Variants in EXOC5 observed in about 807,000 individuals in gnomAD.
EXOC5 encodes the protein SEC10-like 1.
EXOC5 carries 17 observed loss-of-function variants against 90.8 expected under a neutral mutation model. The ratio of observed to expected loss-of-function variants is 0.19; its 90% CI spans 0.13 to 0.28. The LOEUF (loss-of-function observed/expected upper bound fraction) is 0.28. EXOC5 is among the 10% of genes least tolerant of loss of function. The pLI is 1.00. For missense variants in EXOC5, 569 were observed against 830.6 expected (o/e 0.69, Z 3.87); for synonymous variants, 260 against 270.0 (o/e 0.96, Z 0.36).
rs138514391 is a variant in EXOC5 at position 57,264,929 on chromosome 14, C to T, written c.27+3693G>A. ...CAAGTTCTATACTTAATTCTATTTT[C>T]CAAAATATGTACCTTGTAATTCACA... On this transcript the variant is annotated intron_variant, in intron 1 of 17. Coordinates refer to ENST00000621441, the MANE Select transcript of EXOC5 (RefSeq NM_006544.4). 7.8e-3 allele frequency among the ~76,000 whole-genome samples: 1,184 copies of T among 152,120 alleles called. 21 individuals carry two copies. Among genetic ancestry groups the T allele is most frequent in the African/African-American group, 0.027 (1,102 of 41,490 alleles).
intron 1 of EXOC5, among the ~76,000 whole-genome samples, chr14:57,260,377 T>C (rs1884464450): frequency 6.6e-6 from 1 of 152,168 alleles, no homozygotes; most frequent in Non-Finnish European, 1.5e-5. Context: ...ACAAAATAAA[T>C]AATTTTACTT....
At position 57,234,414 on chromosome 14, in the gene EXOC5, GA is replaced by G. The variant is rs1317453477; in HGVS notation, c.670-383del. ...ATACACACAAACACACACATACACA[GA>G]GAGTCAAGGTCTTGGGAAAAGGTTT... On this transcript the variant is annotated intron_variant, in intron 7 of 17. Transcript: ENST00000621441. Among the ~76,000 whole-genome samples the G allele has an allele frequency of 2.0e-5, 3 of 150,600 alleles. No individual in the cohort carries two copies. In the East Asian group the frequency reaches 5.8e-4, roughly 29 times the overall value.
At chr14:57,215,131 G>A (rs1330104166) in intron 15 of EXOC5, among the ~76,000 whole-genome samples, 2 of 151,856 alleles carry the variant, frequency 1.3e-5, no homozygotes, top group East Asian at 3.9e-4. Flanking sequence ...ATTTGGGAGG[G>A]TGAGGCAGGG....
Position 57,232,710 on chromosome 14 carries a change from C to A in EXOC5, c.895G>T (p.Asp299Tyr), listed in dbSNP as rs74498448. The A allele has an allele frequency of 3.2e-6, 5 of 1,553,386 alleles. No individual in the cohort carries two copies. The East Asian group carries it at 1.1e-4, about 36-fold the overall frequency. ...AGATTTTTGAGATATTGCTCTGCAT[C>A]GGACTTCCTACATTCTTCTAACTGC... is the stretch of plus-strand genomic sequence containing the variant. The part of the protein sequence containing the change: ...KEQLEECRKS[D>Y]AEQYLKNLYD... Residue 299 changes from aspartate (D) to tyrosine (Y), a missense_variant, in exon 10 of 18, where the codon GAT becomes TAT. Asp to Tyr is a radical substitution (Grantham distance 160, BLOSUM62 -3). This residue lies in a region of EXOC5 where 114 missense variants were observed against 111.2 expected (regional missense o/e 1.03). Transcript: ENST00000621441.
At chr14:57,266,489 T>C (rs1650882098) in intron 1 of EXOC5, among the ~76,000 whole-genome samples, 1 of 152,132 alleles carries the variant, frequency 6.6e-6, no homozygotes, top group African/African-American at 2.4e-5. Context: ...ATTGTAACTA[T>C]TATGCTTTTA....
chr14:57,264,698 C>T (rs1884618581), intron 1 of EXOC5, among the ~76,000 whole-genome samples: 1 of 152,156 alleles, frequency 6.6e-6, no homozygotes, highest in Non-Finnish European at 1.5e-5. Context: ...TGAAAAGTCC[C>T]TCCATCCAGT....
intron 12 of EXOC5, among the ~76,000 whole-genome samples, chr14:57,228,730 T>C (rs1426191516): frequency 6.6e-6 from 1 of 151,044 alleles, no homozygotes; most frequent in Admixed American, 6.6e-5. Context: ...AAGGGAGGAA[T>C]AGCATTAGGA....
At chr14:57,258,762 T>G (rs1294600446) in intron 1 of EXOC5, among the ~76,000 whole-genome samples, 1 of 152,216 alleles carries the variant, frequency 6.6e-6, no homozygotes, top group African/African-American at 2.4e-5. Flanking sequence ...AATCCCTAAT[T>G]AAATAATGTT....
In EXOC5 at chr14:57,205,184, TTA is replaced by T. The variant is rs1228936001; in HGVS notation, c.*3423_*3424del. Reference sequence around the variant, plus strand: ...CTTAAATCAATACATGTAACTATAATTATCTTTATTATGCAGCAAAATTTTTT... The same window carrying T: ...CTTAAATCAATACATGTAACTATAATTCTTTATTATGCAGCAAAATTTTTT... On this transcript the variant is annotated 3_prime_UTR_variant, in exon 18 of 18. Transcript: ENST00000621441. 6.6e-6 allele frequency: 1 copy of T among 152,064 alleles called. No individual in the cohort carries two copies. Among genetic ancestry groups the T allele is most frequent in the Non-Finnish European group, 1.5e-5 (1 of 67,936 alleles). 9.4% of individuals were successfully genotyped at this position (152,064 alleles called of 1,614,324 possible).
intron 6 of EXOC5, among the ~76,000 whole-genome samples, chr14:57,236,456 T>C (rs1883662536): frequency 6.6e-6 from 1 of 151,890 alleles, no homozygotes; most frequent in Non-Finnish European, 1.5e-5. Flanking sequence ...CAGCTAATTT[T>C]TGTATTTTTA....
chr14:57,248,094 GT>G (rs200141338), intron 1 of EXOC5, among the ~76,000 whole-genome samples: 3,221 of 140,146 alleles, frequency 0.023, 44 homozygotes, highest in East Asian at 0.11. Flanking sequence ...ATCTCACAAA[GT>G]TTTTTTTTTT....
intron 4 of EXOC5, among the ~76,000 whole-genome samples, chr14:57,242,127 C>T (rs1317983293): frequency 2.9e-5 from 4 of 136,174 alleles, no homozygotes; most frequent in African/African-American, 8.4e-5. Flanking sequence ...AGCGAGACTC[C>T]GTCTGAAAAA....
Position 57,203,738 on chromosome 14 carries a change from G to GTGA in EXOC5, c.*4870_*4871insTCA, listed in dbSNP as rs1349265180. ...AGTTTCAGACTTTTAAATTAAAAGT[G>GTGA]GCTCAGTTGGATACTGTCTCTTAAA... On this transcript the variant is annotated 3_prime_UTR_variant, in exon 18 of 18. Transcript: ENST00000621441. 1 of 152,452 alleles carries GTGA rather than the reference G, an allele frequency of 6.6e-6. No homozygotes were observed. Among genetic ancestry groups the GTGA allele is most frequent in the Non-Finnish European group, 1.5e-5 (1 of 67,990 alleles). The allele number at this position is 152,452 out of a possible 1,614,324, so 9.4% of individuals were successfully genotyped here. A position where few individuals can be genotyped will look rare whatever the true frequency, so the allele number is the denominator to read the frequency against.
intron 12 of EXOC5, among the ~76,000 whole-genome samples, chr14:57,228,223 G>A (rs1883369275): frequency 6.6e-6 from 1 of 152,134 alleles, no homozygotes. Context: ...GAGAGGATGT[G>A]GAGAAATAGG....
chr14:57,244,174 A>T lies in EXOC5; in HGVS notation c.456T>A (p.Asn152Lys). 6.2e-7 allele frequency: 1 copy of T among 1,612,248 alleles called. No homozygotes were observed. The highest frequency in any genetic ancestry group is 8.5e-7 in the Non-Finnish European group (1 of 1,178,458). The change falls in exon 4 of 18, where the codon AAT (asparagine) becomes AAA (lysine). Residue 152 changes from asparagine (N) to lysine (K), a missense_variant. Asn to Lys is a moderately conservative substitution (Grantham distance 94). This residue lies in a region of EXOC5 where 97 missense variants were observed against 177.9 expected (regional missense o/e 0.55). Coordinates refer to ENST00000621441, the MANE Select transcript of EXOC5 (RefSeq NM_006544.4). The part of the protein sequence containing the change: ...DGELKSDVFT[N>K]SEKIKEAADI... ...CTCTGACAGCACTTACCTTTTCAGA[A>T]TTTGTAAAAACATCAGATTTCAATT...
intron 12 of EXOC5, among the ~76,000 whole-genome samples, chr14:57,226,457 A>T (rs1272574880): frequency 6.6e-6 from 1 of 152,222 alleles, no homozygotes; most frequent in African/African-American, 2.4e-5. Flanking sequence ...ATTCTCCCCA[A>T]ATAGAACTAC....
chr14:57,252,074 C>T (rs1334596124), intron 1 of EXOC5, among the ~76,000 whole-genome samples: 1 of 152,076 alleles, frequency 6.6e-6, no homozygotes, highest in Admixed American at 6.6e-5. Flanking sequence ...CAAAAATCTC[C>T]CAACAGAGAA....
intron 2 of EXOC5, 71 bp from the exon 3 acceptor site, chr14:57,246,929 A>T (rs574512791): frequency 1.2e-5 from 10 of 852,916 alleles, no homozygotes; most frequent in African/African-American, 8.7e-5. Flanking sequence ...CAGTTAACTT[A>T]TAATCATAGT....
intron 1 of EXOC5, among the ~76,000 whole-genome samples, chr14:57,267,511 T>C (rs1227424110): frequency 6.6e-6 from 1 of 152,216 alleles, no homozygotes; most frequent in African/African-American, 2.4e-5. Flanking sequence ...CCATTTTCAC[T>C]TATGGAGAAG....
Sources: allele counts gnomAD v4.1 joint callset (sites outside exome capture counted in the v4.1 genomes callset), GRCh38; gene constraint gnomAD v4.1.1; regional missense constraint gnomAD v4.1.1; transcripts MANE v1.5; gene names NCBI Gene and HGNC (gene_info 2026-07-23, HGNC 2026-07-21).